Variants in RIT2 observed in about 807,000 individuals in gnomAD.
RIT2 encodes GTP-binding protein Rit2.
RIT2 carries 24 observed loss-of-function variants against 23.7 expected under a neutral mutation model. The ratio of observed to expected loss-of-function variants is 1.01; its 90% CI spans 0.73 to 1.43. The LOEUF (loss-of-function observed/expected upper bound fraction) is 1.43, where lower values mean the gene tolerates loss of function less well. Among genes scored for constraint, RIT2 ranks in the 40% most tolerant of loss-of-function variants. The pLI, the probability that RIT2 is intolerant of heterozygous loss-of-function variation, is 0.00. For missense variants in RIT2, 236 were observed against 266.9 expected (o/e 0.88, Z 0.81); for synonymous variants, 107 against 91.1 (o/e 1.17, Z -0.99).
At chr18:43,043,174 G>A (rs1010802689) in intron 1 of RIT2, among the ~76,000 whole-genome samples, 4 of 152,138 alleles carry the variant, frequency 2.6e-5, no homozygotes, top group African/African-American at 9.6e-5. Context: ...AAGTATTTAA[G>A]TTTGATTTAT....
At chr18:43,089,163 C>G (rs978327153) in intron 1 of RIT2, among the ~76,000 whole-genome samples, 7 of 151,964 alleles carry the variant, frequency 4.6e-5, no homozygotes, top group Non-Finnish European at 8.8e-5. Flanking sequence ...AGTCAAACTA[C>G]TCCTGTTTGA....
intron 4 of RIT2, among the ~76,000 whole-genome samples, chr18:42,773,396 A>G (rs754860574): frequency 6.6e-5 from 10 of 152,342 alleles, no homozygotes; most frequent in Admixed American, 2.0e-4. Flanking sequence ...AACTGATGAA[A>G]AAAACAGTTC....
intron 4 of RIT2, among the ~76,000 whole-genome samples, chr18:42,826,453 T>G (rs528563456): frequency 6.6e-6 from 1 of 152,156 alleles, no homozygotes; most frequent in African/African-American, 2.4e-5. Flanking sequence ...TTCATAAAAT[T>G]TTACGTTTAT....
At chr18:43,045,348 C>A (rs1359903690) in intron 1 of RIT2, among the ~76,000 whole-genome samples, 2 of 152,100 alleles carry the variant, frequency 1.3e-5, no homozygotes, top group African/African-American at 4.8e-5. Context: ...AACATCTAAT[C>A]CATATGAGAA....
chr18:42,801,687 G>C (rs1178538367), intron 4 of RIT2, among the ~76,000 whole-genome samples: 3 of 152,106 alleles, frequency 2.0e-5, no homozygotes, highest in Admixed American at 1.3e-4. Flanking sequence ...GCTACAAATA[G>C]CTAACTCTGG....
rs933446352 is a variant in RIT2 at position 42,772,900 on chromosome 18, A to G, written c.427-29180T>C. On this transcript the variant is annotated intron_variant, in intron 4 of 4. Transcript: ENST00000326695. ...TTTATACATGTTGCTGCTGCTGCACACCAGGTCTAGTGAGACCTTGGGAGA... is the reference window on the plus strand; with the variant it reads ...TTTATACATGTTGCTGCTGCTGCACGCCAGGTCTAGTGAGACCTTGGGAGA... 2.0e-5 allele frequency among the ~76,000 whole-genome samples: 3 copies of G among 152,152 alleles called. No homozygotes were observed. The South Asian group carries it at 6.2e-4, about 32-fold the overall frequency.
chr18:42,780,050 T>TTTTG (rs1913772268), intron 4 of RIT2, among the ~76,000 whole-genome samples: 2 of 126,282 alleles, frequency 1.6e-5, no homozygotes, highest in Non-Finnish European at 3.3e-5. Context: ...TTTAGAGGTT[T>TTTTG]TTTTTTTTTT....
intron 3 of RIT2, among the ~76,000 whole-genome samples, chr18:42,928,640 G>A (rs982830190): frequency 1.3e-5 from 2 of 151,816 alleles, no homozygotes; most frequent in African/African-American, 2.4e-5. Flanking sequence ...TTAAAGTCTA[G>A]GTATCATGAA....
Position 42,783,981 on chromosome 18 carries a change from T to C in RIT2, c.427-40261A>G, listed in dbSNP as rs552059802. On this transcript the variant is annotated intron_variant, in intron 4 of 4. Coordinates refer to ENST00000326695, the MANE Select transcript of RIT2 (RefSeq NM_002930.4). ...CCATAACTCAGCACTCCTGTACTTC[T>C]AGATATTAAGGAAAACTTTCAGGGG... is the stretch of plus-strand genomic sequence containing the variant. 7.9e-5 allele frequency among the ~76,000 whole-genome samples: 12 copies of C among 152,194 alleles called. No homozygotes were observed. The East Asian group carries it at 2.3e-3, about 29-fold the overall frequency.
At chr18:42,787,806 C>G (rs1913954971) in intron 4 of RIT2, among the ~76,000 whole-genome samples, 1 of 152,032 alleles carries the variant, frequency 6.6e-6, no homozygotes, top group Admixed American at 6.6e-5. Flanking sequence ...CATTTTGGAT[C>G]TCAAGATTCC....
At chr18:42,970,708 T>C (rs1326146000) in intron 3 of RIT2, among the ~76,000 whole-genome samples, 1 of 152,024 alleles carries the variant, frequency 6.6e-6, no homozygotes. Flanking sequence ...TTAGCAATGG[T>C]AATGGTTTAT....
intron 4 of RIT2, among the ~76,000 whole-genome samples, chr18:42,916,584 T>C (rs1449936785): frequency 6.6e-6 from 1 of 152,164 alleles, no homozygotes; most frequent in Non-Finnish European, 1.5e-5. Context: ...ACAATTCGTA[T>C]GCACTTGATT....
At chr18:43,019,524 G>T (rs1383502109) in intron 2 of RIT2, among the ~76,000 whole-genome samples, 5 of 151,626 alleles carry the variant, frequency 3.3e-5, no homozygotes, top group African/African-American at 1.2e-4. Context: ...ACTAGACATA[G>T]AAGTAACATA....
intron 4 of RIT2, among the ~76,000 whole-genome samples, chr18:42,871,393 T>C (rs1247679046): frequency 6.6e-6 from 1 of 152,140 alleles, no homozygotes; most frequent in South Asian, 2.1e-4. Context: ...TGTGTATACA[T>C]GCACACACAC....
At chr18:43,004,776 T>C (rs1911189617) in intron 2 of RIT2, among the ~76,000 whole-genome samples, 1 of 151,920 alleles carries the variant, frequency 6.6e-6, no homozygotes, top group Non-Finnish European at 1.5e-5. Flanking sequence ...AGATTTTCTT[T>C]CTGTAAGATT....
At chr18:42,829,592 C>T (rs1157552166) in intron 4 of RIT2, among the ~76,000 whole-genome samples, 1 of 152,098 alleles carries the variant, frequency 6.6e-6, no homozygotes, top group East Asian at 1.9e-4. Flanking sequence ...GGTCCATGAC[C>T]ATCTGTTGTT....
chr18:42,745,094 G>C (rs148250479), intron 4 of RIT2, among the ~76,000 whole-genome samples: 55 of 152,122 alleles, frequency 3.6e-4, no homozygotes, highest in African/African-American at 1.3e-3. Context: ...AAAATATAAA[G>C]ATAAATTATA....
intron 4 of RIT2, among the ~76,000 whole-genome samples, chr18:42,822,443 A>T (rs1011502386): frequency 6.6e-6 from 1 of 152,138 alleles, no homozygotes; most frequent in African/African-American, 2.4e-5. Context: ...TGGCAGTTTA[A>T]AAAAGAGCTG....
chr18:43,075,669 T>C (rs1912997049), intron 1 of RIT2, among the ~76,000 whole-genome samples: 1 of 152,200 alleles, frequency 6.6e-6, no homozygotes, highest in African/African-American at 2.4e-5. Flanking sequence ...ATATTATTTT[T>C]AGCATCATTT....
Sources: allele counts gnomAD v4.1 joint callset (sites outside exome capture counted in the v4.1 genomes callset), GRCh38; gene constraint gnomAD v4.1.1; transcripts MANE v1.5; gene names NCBI Gene and HGNC (gene_info 2026-07-23, HGNC 2026-07-21).